TDRD3: variants seen among roughly 807,000 people sequenced by gnomAD.
The protein encoded by TDRD3 is tudor domain containing 3.
A neutral mutation model predicts 86.7 loss-of-function variants in TDRD3; 45 were observed. The observed-to-expected ratio is 0.52, with a 90% confidence interval of 0.41 to 0.67. The LOEUF (loss-of-function observed/expected upper bound fraction) is 0.67, where lower values mean the gene tolerates loss of function less well. Among genes scored for constraint, TDRD3 ranks in the 30% least tolerant of loss-of-function variants. The pLI, the probability that TDRD3 is intolerant of heterozygous loss-of-function variation, is 0.00. For missense variants in TDRD3, 814 were observed against 889.0 expected, an observed-to-expected ratio of 0.92 and a Z score of 1.07; for synonymous variants, 298 against 301.7, an observed-to-expected ratio of 0.99 and a Z score of 0.13.
At chr13:60,510,598 A>G in intron 9 of TDRD3, 32 bp from the exon 10 acceptor site, 1 of 1,548,684 alleles carries the variant, frequency 6.5e-7, no homozygotes, top group Non-Finnish European at 8.7e-7. Flanking sequence ...TTTTGCATAT[A>G]CAGTACATAT....
chr13:60,475,422 A>G (rs1956164155), intron 5 of TDRD3, among the ~76,000 whole-genome samples: 1 of 152,178 alleles, frequency 6.6e-6, no homozygotes, highest in Admixed American at 6.5e-5. Context: ...AAAGGACATT[A>G]TTTCATTCTT....
chr13:60,566,680 T>C (rs956565511), intron 12 of TDRD3, among the ~76,000 whole-genome samples: 2 of 152,176 alleles, frequency 1.3e-5, no homozygotes, highest in Non-Finnish European at 1.5e-5. Context: ...ACATACTTCA[T>C]AGCTGTGTTA....
chr13:60,409,605 C>T (rs1253041110), intron 1 of TDRD3, among the ~76,000 whole-genome samples: 2 of 152,188 alleles, frequency 1.3e-5, no homozygotes, highest in Non-Finnish European at 1.5e-5. Flanking sequence ...AGATTTCAGA[C>T]TTGCCTGGGC....
chr13:60,429,031 A>G (rs977671979), intron 1 of TDRD3, among the ~76,000 whole-genome samples: 20 of 152,196 alleles, frequency 1.3e-4, no homozygotes, highest in Non-Finnish European at 2.4e-4. Context: ...AAATGTAAGC[A>G]ACACTAAGCA....
chr13:60,481,676 G>A (rs1337458752), intron 5 of TDRD3, among the ~76,000 whole-genome samples: 1 of 151,910 alleles, frequency 6.6e-6, no homozygotes, highest in Non-Finnish European at 1.5e-5. Context: ...TTTAATAGCT[G>A]TTTAACGCCC....
At chr13:60,514,170 G>A (rs1957120186) in intron 10 of TDRD3, among the ~76,000 whole-genome samples, 2 of 152,168 alleles carry the variant, frequency 1.3e-5, no homozygotes, top group Non-Finnish European at 2.9e-5. Context: ...AAGGTGTTAT[G>A]TTTTAGCAAA....
chr13:60,435,471 A>G (rs1955066374), intron 1 of TDRD3, among the ~76,000 whole-genome samples: 1 of 152,050 alleles, frequency 6.6e-6, no homozygotes, highest in Non-Finnish European at 1.5e-5. Flanking sequence ...CTCTATATGT[A>G]TTTGCACCCT....
rs766651856 is a variant in TDRD3, at chr13:60,509,878, C to A, written c.974C>A (p.Thr325Lys). ...GAAGCAGCACTGAACGTACTTCTTA[C>A]AAGCAATAAACAGAAACCTGTTATG... Reference protein sequence around the residue: ...NLEAALNVLLTSNKQKPVMGP... With the variant: ...NLEAALNVLLKSNKQKPVMGP... Residue 325 changes from threonine to lysine, a missense_variant, in exon 9 of 14, where the codon ACA becomes AAA. Thr to Lys is a moderately conservative substitution (Grantham distance 78). Coordinates refer to ENST00000377881, the MANE Select transcript of TDRD3 (RefSeq NM_001146070.2). 2 of 1,613,724 alleles carry A rather than the reference C, an allele frequency of 1.2e-6. No individual in the cohort carries two copies. The highest frequency in any genetic ancestry group is 2.2e-5 in the South Asian group (2 of 91,066).
intron 1 of TDRD3, among the ~76,000 whole-genome samples, chr13:60,437,121 C>CTTTTTTTTTTTTTTTTTTTTT: frequency 1.4e-5 from 1 of 73,762 alleles, no homozygotes; most frequent in Middle Eastern, 0.013. Flanking sequence ...ATAAATTAAA[C>CTTTTTTTTTTTTTTTTTTTTT]TTTTTTTTTT....
At position 60,519,728 on chromosome 13, in the gene TDRD3, C is replaced by T. The variant is rs534934180; in HGVS notation, c.1142-8639C>T. ...ACTCAGTTAATCCCCCAGCTCTACC[C>T]TGTGCTAGTTGTGTGACCTTGTCAA... is the stretch of plus-strand genomic sequence containing the variant. On this transcript the variant is annotated intron_variant, in intron 10 of 13. Coordinates refer to ENST00000377881, the MANE Select transcript of TDRD3 (RefSeq NM_001146070.2). Among the ~76,000 whole-genome samples the T allele has an allele frequency of 3.3e-5, 5 of 152,256 alleles. No individual in the cohort carries two copies. In the South Asian group the frequency reaches 1.0e-3, roughly 32 times the overall value.
chr13:60,546,860 C>T (rs988316293), intron 12 of TDRD3, among the ~76,000 whole-genome samples: 3 of 152,014 alleles, frequency 2.0e-5, no homozygotes, highest in Admixed American at 6.6e-5. Flanking sequence ...TGATTAAACT[C>T]GAGATACAGC....
intron 1 of TDRD3, among the ~76,000 whole-genome samples, chr13:60,403,703 CAGAG>C (rs896622606): frequency 2.0e-5 from 3 of 152,252 alleles, no homozygotes; most frequent in Admixed American, 6.5e-5. Context: ...ACTGCATAGA[CAGAG>C]AGCCTATATG....
chr13:60,557,325 A>AT (rs1958216144), intron 12 of TDRD3, among the ~76,000 whole-genome samples: 2 of 152,066 alleles, frequency 1.3e-5, no homozygotes, highest in Admixed American at 1.3e-4. Flanking sequence ...CACCAGAGTT[A>AT]TTTGCAAGAG....
At chr13:60,545,242 T>C (rs1048694854) in intron 12 of TDRD3, among the ~76,000 whole-genome samples, 11 of 152,188 alleles carry the variant, frequency 7.2e-5, no homozygotes, top group South Asian at 2.1e-4. Context: ...GGCATGGGTC[T>C]TGATTATAGT....
At chr13:60,522,584 C>T (rs545990460) in intron 10 of TDRD3, among the ~76,000 whole-genome samples, 3 of 152,156 alleles carry the variant, frequency 2.0e-5, no homozygotes, top group African/African-American at 7.2e-5. Flanking sequence ...CCTAAGGTTA[C>T]AGAACTAGTA....
Position 60,528,717 on chromosome 13 carries a change from A to G in TDRD3, c.1492A>G (p.Lys498Glu). ...TCAGCATAGTGATGGTGCTTTTAAA[A>G]AAAGAGATAACTCTATGCAAAGCAG... ...GSQHSDGAFK[K>E]RDNSMQSRSG... Residue 498 changes from lysine to glutamate, a missense_variant, in exon 11 of 14, where the codon AAA becomes GAA. Transcript: ENST00000377881. The G allele has an allele frequency of 6.2e-7, 1 of 1,611,734 alleles. No homozygotes were observed. Among genetic ancestry groups the G allele is most frequent in the Non-Finnish European group, 8.5e-7 (1 of 1,179,338 alleles).
At chr13:60,413,871 AGAT>A (rs1349824555) in intron 1 of TDRD3, among the ~76,000 whole-genome samples, 3 of 152,126 alleles carry the variant, frequency 2.0e-5, no homozygotes, top group Non-Finnish European at 4.4e-5. Flanking sequence ...CTCAAATTAA[AGAT>A]AAAAGGTACA....
intron 8 of TDRD3, among the ~76,000 whole-genome samples, chr13:60,502,870 T>C (rs1402634836): frequency 6.6e-6 from 1 of 152,204 alleles, no homozygotes; most frequent in African/African-American, 2.4e-5. Flanking sequence ...GTTTTTCTAA[T>C]TGTGTCCTGT....
intron 6 of TDRD3, among the ~76,000 whole-genome samples, chr13:60,485,267 T>C (rs1466521028): frequency 6.7e-6 from 1 of 148,344 alleles, no homozygotes; most frequent in East Asian, 1.9e-4. Flanking sequence ...CAGTGATGCC[T>C]TTTTTTTTAC....
Sources: gnomAD v4.1 joint callset for allele counts (sites outside exome capture counted in the v4.1 genomes callset) on GRCh38, gnomAD v4.1.1 for gene constraint, MANE v1.5 for transcripts, NCBI Gene and HGNC (gene_info 2026-07-23, HGNC 2026-07-21) for gene names.